NEDD4: variants seen among roughly 807,000 people sequenced by gnomAD.
The protein encoded by NEDD4 is NEDD4 E3 ubiquitin protein ligase, also known as E3 ubiquitin-protein ligase NEDD4.
Under a neutral mutation model 144.9 loss-of-function variants are expected in NEDD4, and 99 were observed. The ratio of observed to expected loss-of-function variants is 0.68; its 90% CI spans 0.58 to 0.81. The LOEUF (loss-of-function observed/expected upper bound fraction) is 0.81, where lower values mean the gene tolerates loss of function less well. NEDD4 is among the 30% of genes least tolerant of loss of function. The pLI is 0.00. For missense variants in NEDD4, 985 were observed against 1,065.9 expected, an observed-to-expected ratio of 0.92 and a Z score of 1.06; for synonymous variants, 318 against 350.6, an observed-to-expected ratio of 0.91 and a Z score of 1.04.
intron 12 of NEDD4, among the ~76,000 whole-genome samples, chr15:55,855,270 A>AT (rs1481552509): frequency 6.6e-6 from 1 of 152,202 alleles, no homozygotes; most frequent in African/African-American, 2.4e-5. Flanking sequence ...CAAAGCTGAT[A>AT]TCTAGACTGC....
At chr15:55,929,647 T>C (rs2036742478) in intron 4 of NEDD4, among the ~76,000 whole-genome samples, 1 of 152,154 alleles carries the variant, frequency 6.6e-6, no homozygotes, top group African/African-American at 2.4e-5. Flanking sequence ...GTAACTAAAA[T>C]TGTAACATAT....
intron 1 of NEDD4, among the ~76,000 whole-genome samples, chr15:55,973,212 A>G (rs1315061675): frequency 6.6e-6 from 1 of 152,198 alleles, no homozygotes; most frequent in Non-Finnish European, 1.5e-5. Context: ...GATCATTCTC[A>G]AGGATAAACC....
At chr15:55,928,507 GC>G (rs1346242208) in intron 4 of NEDD4, among the ~76,000 whole-genome samples, 3 of 152,096 alleles carry the variant, frequency 2.0e-5, no homozygotes, top group African/African-American at 7.2e-5. Flanking sequence ...ATGTCCCCCT[GC>G]CCAACCAAAT....
intron 1 of NEDD4, among the ~76,000 whole-genome samples, chr15:55,989,910 G>T (rs1303493443): frequency 6.6e-6 from 1 of 152,072 alleles, no homozygotes; most frequent in Non-Finnish European, 1.5e-5. Context: ...ACTCCTCACC[G>T]ATCACATTAC....
At chr15:55,881,143 C>CTTTTTT (rs67958165) in intron 5 of NEDD4, among the ~76,000 whole-genome samples, 1 of 137,892 alleles carries the variant, frequency 7.3e-6, no homozygotes. Flanking sequence ...CTTTTCTTTT[C>CTTTTTT]TTTTTTTTTT....
At chr15:55,853,049 C>T (rs2034056555) in intron 12 of NEDD4, among the ~76,000 whole-genome samples, 1 of 151,948 alleles carries the variant, frequency 6.6e-6, no homozygotes, top group South Asian at 2.1e-4. Context: ...CTGTGCCTGG[C>T]CAGAAGAATT....
intron 5 of NEDD4, among the ~76,000 whole-genome samples, chr15:55,891,920 T>TA (rs1237682535): frequency 6.6e-6 from 1 of 152,156 alleles, no homozygotes; most frequent in Non-Finnish European, 1.5e-5. Flanking sequence ...ACAGTTAAGT[T>TA]AAAGTGTCAC....
chr15:55,971,041 C>G (rs895399128), intron 1 of NEDD4, among the ~76,000 whole-genome samples: 1 of 152,040 alleles, frequency 6.6e-6, no homozygotes, highest in Non-Finnish European at 1.5e-5. Flanking sequence ...TACAAGAAAA[C>G]TCAAAGAAGG....
intron 5 of NEDD4, among the ~76,000 whole-genome samples, chr15:55,885,922 A>T (rs1351498339): frequency 2.0e-5 from 3 of 152,126 alleles, no homozygotes; most frequent in Non-Finnish European, 4.4e-5. Context: ...GATTTAAAAA[A>T]AAAAAATCAA....
chr15:55,840,846 G>T, intron 19 of NEDD4, 119 bp from the exon 20 acceptor site: 2 of 962,590 alleles, frequency 2.1e-6, no homozygotes, highest in East Asian at 2.5e-5. Flanking sequence ...TTCCTCCACT[G>T]GATTTAATGG....
At chr15:55,865,403 T>C (rs1349243862) in intron 8 of NEDD4, among the ~76,000 whole-genome samples, 1 of 151,986 alleles carries the variant, frequency 6.6e-6, no homozygotes. Flanking sequence ...AAAGTAGTAG[T>C]AACAAACTTT....
In NEDD4 at chr15:55,832,994, T is replaced by G; in HGVS notation, c.2527+14A>C. On this transcript the variant is annotated intron_variant, in intron 27 of 28. Transcript: ENST00000435532. Reference sequence around the variant, plus strand: ...ATTATTCCATTTTTTTAATGATCTATGGAAAATCCTTACCGTATAGTTCAG... The same window carrying G: ...ATTATTCCATTTTTTTAATGATCTAGGGAAAATCCTTACCGTATAGTTCAG... 6.4e-7 allele frequency: 1 copy of G among 1,573,428 alleles called. No individual in the cohort carries two copies. Among genetic ancestry groups the G allele is most frequent in the Non-Finnish European group, 8.7e-7 (1 of 1,148,476 alleles).
At chr15:55,965,215 T>G (rs1390976354) in intron 2 of NEDD4, among the ~76,000 whole-genome samples, 1 of 152,228 alleles carries the variant, frequency 6.6e-6, no homozygotes, top group Non-Finnish European at 1.5e-5. Flanking sequence ...TGTTTGTTTT[T>G]TGAGACACGG....
At chr15:55,951,898 CTTT>C (rs2037247207) in intron 2 of NEDD4, among the ~76,000 whole-genome samples, 1 of 151,758 alleles carries the variant, frequency 6.6e-6, no homozygotes, top group African/African-American at 2.4e-5. Context: ...ATTCTTTCTT[CTTT>C]TGAGATAAGA....
chr15:55,992,531 A>G (rs1789352102), intron 1 of NEDD4, among the ~76,000 whole-genome samples: 1 of 152,214 alleles, frequency 6.6e-6, no homozygotes, highest in African/African-American at 2.4e-5. Context: ...GATAAAAGGT[A>G]CATGTGGCAG....
At chr15:55,902,791 A>G (rs2035952312) in intron 5 of NEDD4, among the ~76,000 whole-genome samples, 1 of 152,210 alleles carries the variant, frequency 6.6e-6, no homozygotes, top group South Asian at 2.1e-4. Flanking sequence ...AGTAATCAGA[A>G]AAAAACAAAG....
chr15:55,883,358 G>C (rs754822624), intron 5 of NEDD4, among the ~76,000 whole-genome samples: 1 of 152,150 alleles, frequency 6.6e-6, no homozygotes, highest in Non-Finnish European at 1.5e-5. Context: ...TGTCCACTCA[G>C]CTGCAGCAGA....
At chr15:55,883,660 C>T (rs1401608864) in intron 5 of NEDD4, among the ~76,000 whole-genome samples, 1 of 151,550 alleles carries the variant, frequency 6.6e-6, no homozygotes, top group Non-Finnish European at 1.5e-5. Context: ...TCATCCCTCC[C>T]CTAGTTCCAG....
chr15:55,893,161 G>C (rs2035626396), intron 5 of NEDD4, among the ~76,000 whole-genome samples: 2 of 152,000 alleles, frequency 1.3e-5, no homozygotes, highest in Non-Finnish European at 2.9e-5. Context: ...TTCTTCAAAG[G>C]TAAGATCAAG....
Sources: allele counts gnomAD v4.1 joint callset (sites outside exome capture counted in the v4.1 genomes callset), GRCh38; gene constraint gnomAD v4.1.1; transcripts MANE v1.5; gene names NCBI Gene and HGNC (gene_info 2026-07-23, HGNC 2026-07-21).